NCR1: variants seen among roughly 807,000 people sequenced by gnomAD.
NCR1 encodes NK cell-activating receptor.
In NCR1, 30 loss-of-function variants were observed where a neutral mutation model predicts 32.5. That is an observed-to-expected ratio of 0.92 (90% CI 0.69 to 1.25). NCR1 has a LOEUF of 1.25. Ranked by LOEUF, NCR1 falls within the 50% of genes most tolerant of loss-of-function variation. The pLI, the probability that NCR1 is intolerant of heterozygous loss-of-function variation, is 0.00. For synonymous variants in NCR1, 169 were observed against 143.4 expected (o/e 1.18, Z -1.28); for missense variants, 369 against 380.7 (o/e 0.97, Z 0.26).
chr19:54,930,110 C>T, the NCR1 span, among the ~76,000 whole-genome samples: 11 of 107,146 alleles, frequency 1.0e-4, 1 homozygote, highest in African/African-American at 2.6e-4. Flanking sequence ...AACGAGGCTC[C>T]GTCTCAAAAA....
the NCR1 span, chr19:54,927,569 C>CA: frequency 2.0e-5 from 30 of 1,532,380 alleles, no homozygotes; most frequent in Non-Finnish European, 2.4e-5. Flanking sequence ...AAAACAAAAA[C>CA]AAAAAACAAA....
At chr19:54,905,131 C>T (rs2067502513), upstream of NCR1, among the ~76,000 whole-genome samples, 1 of 152,208 alleles carries the variant, frequency 6.6e-6, no homozygotes. Context: ...AATGGTAACT[C>T]TGTTTGTAGT....
chr19:54,933,632 T>A, the NCR1 span: 1 of 1,614,172 alleles, frequency 6.2e-7, no homozygotes, highest in Non-Finnish European at 8.5e-7. Context: ...CACCCCTGTA[T>A]CCCCAATGGG....
Position 54,909,361 on chromosome 19 carries a change from G to A in NCR1, c.472G>A (p.Glu158Lys). The part of the protein sequence containing the change: ...TATSMFLLLK[E>K]GRSSHVQRGY... ...AACAAGCATGTTCTTACTGCTCAAG[G>A]AGGGAAGATCCAGCCACGTACAGCG... Residue 158 changes from glutamate to lysine, a missense_variant, in exon 4 of 7, where the codon GAG becomes AAG. Physicochemically the swap from Glu to Lys is moderately conservative, Grantham distance 56. Coordinates refer to ENST00000291890, the MANE Select transcript of NCR1 (RefSeq NM_004829.7). 6.2e-7 allele frequency: 1 copy of A among 1,614,118 alleles called. No homozygotes were observed. Among genetic ancestry groups the A allele is most frequent in the South Asian group, 1.1e-5 (1 of 91,076 alleles).
chr19:54,932,597 C>T, the NCR1 span, among the ~76,000 whole-genome samples: 1 of 152,088 alleles, frequency 6.6e-6, no homozygotes, highest in South Asian at 2.1e-4. Flanking sequence ...AACTATAGTT[C>T]GTGGGTCAAT....
chr19:54,927,376 C>T, the NCR1 span, among the ~76,000 whole-genome samples: 4 of 129,558 alleles, frequency 3.1e-5, no homozygotes, highest in Admixed American at 8.3e-5. Flanking sequence ...AACAAAACTC[C>T]GTCTCAAAAA....
downstream of NCR1, among the ~76,000 whole-genome samples, chr19:54,918,372 G>A (rs944024904): frequency 1.1e-4 from 16 of 152,044 alleles, no homozygotes; most frequent in Admixed American, 3.3e-4. Context: ...GGGTTCAAGC[G>A]ATTCTCCCAC....
chr19:54,937,968 C>A, the NCR1 span: 4 of 1,130,474 alleles, frequency 3.5e-6, no homozygotes, highest in Admixed American at 3.4e-5. Context: ...CAGCACATTT[C>A]CAAATTTAAA....
chr19:54,900,852 G>A, the NCR1 span, among the ~76,000 whole-genome samples: 1 of 152,094 alleles, frequency 6.6e-6, no homozygotes, highest in African/African-American at 2.4e-5. Context: ...GGGCAGTGAT[G>A]ACAACATTCT....
At chr19:54,912,587 G>A in intron 6 of NCR1, 103 bp from the exon 7 acceptor site, 1 of 939,804 alleles carries the variant, frequency 1.1e-6, no homozygotes, top group Non-Finnish European at 1.5e-6. Flanking sequence ...CGACAAGACT[G>A]AGGCTCTGTC....
At chr19:54,912,547 C>T (rs907351648) in intron 6 of NCR1, 143 bp from the exon 7 acceptor site, 6 of 667,732 alleles carry the variant, frequency 9.0e-6, no homozygotes, top group East Asian at 2.9e-5. Context: ...TGCAGTGAGC[C>T]GAGATCGTGC....
downstream of NCR1, among the ~76,000 whole-genome samples, chr19:54,915,123 T>C (rs1423838990): frequency 6.6e-6 from 1 of 152,144 alleles, no homozygotes; most frequent in Non-Finnish European, 1.5e-5. Flanking sequence ...TGCATGTCCA[T>C]TTTCCTGCCT....
chr19:54,934,071 G>A, the NCR1 span, among the ~76,000 whole-genome samples: 1 of 152,202 alleles, frequency 6.6e-6, no homozygotes, highest in Non-Finnish European at 1.5e-5. The surrounding 1 kb of genome is among the most constrained non-coding windows in gnomAD (Gnocchi z 6.7). Context: ...AGCCTCCTGA[G>A]TAGCTGGGAC....
chr19:54,922,784 AAAAAAC>A, the NCR1 span, among the ~76,000 whole-genome samples: 21,386 of 122,594 alleles, frequency 0.17, 2,757 homozygotes, highest in East Asian at 0.46. Context: ...GTCTCAAAAA[AAAAAAC>A]AAAAAAAAAA....
chr19:54,935,453 T>C, the NCR1 span, among the ~76,000 whole-genome samples: 1 of 152,036 alleles, frequency 6.6e-6, no homozygotes, highest in Admixed American at 6.6e-5. Flanking sequence ...CCTAGCACTT[T>C]GGGAGGCCGA....
At chr19:54,928,461 G>T in the NCR1 span, among the ~76,000 whole-genome samples, 1 of 152,230 alleles carries the variant, frequency 6.6e-6, no homozygotes, top group Admixed American at 6.6e-5. Flanking sequence ...AAGGCAGAGG[G>T]GAGTGAGCAG....
chr19:54,933,538 GCACA>G, the NCR1 span: 4 of 1,586,862 alleles, frequency 2.5e-6, no homozygotes, highest in African/African-American at 1.3e-5. Context: ...GAATTCATGT[GCACA>G]CACACACACA....
At position 54,906,720 on chromosome 19, in the gene NCR1, T is replaced by TC. The variant is rs1405172419; in HGVS notation, c.271dup (p.Arg91ProfsTer32). 2.5e-6 allele frequency: 4 copies of TC among 1,614,050 alleles called. No homozygotes were observed. The highest frequency in any genetic ancestry group is 1.7e-6 in the Non-Finnish European group (2 of 1,180,036). On this transcript the variant is annotated frameshift_variant, in exon 3 of 7. Transcript: ENST00000291890. LOFTEE classifies it high-confidence loss of function. Reference sequence around the variant, plus strand: ...CCAATTCTACATCCCGGACATGAACTCCCGCATGGCAGGGCAATACAGCTG... The same window carrying TC: ...CCAATTCTACATCCCGGACATGAACTCCCCGCATGGCAGGGCAATACAGCTG...
At chr19:54,903,304 A>G (rs374313502), upstream of NCR1, among the ~76,000 whole-genome samples, 68 of 128,838 alleles carry the variant, frequency 5.3e-4, 1 homozygote, top group Admixed American at 1.6e-3. Context: ...ACATATACGT[A>G]TATGTATACA....
Sources: gnomAD v4.1 joint callset for allele counts (sites outside exome capture counted in the v4.1 genomes callset) on GRCh38, gnomAD v4.1.1 for gene constraint, Gnocchi (gnomAD v3.1) non-coding constraint, MANE v1.5 for transcripts, NCBI Gene and HGNC (gene_info 2026-07-23, HGNC 2026-07-21) for gene names.